Variants in ETV7 observed in about 807,000 individuals in gnomAD.
The protein encoded by ETV7 is ETS variant transcription factor 7, also known as transcription factor ETV7.
Under a neutral mutation model 39.1 loss-of-function variants are expected in ETV7, and 43 were observed. The observed-to-expected ratio is 1.10, with a 90% CI of 0.86 to 1.42. The LOEUF is 1.42. Ranked by LOEUF, ETV7 falls within the 40% of genes most tolerant of loss-of-function variation. The probability of loss-of-function intolerance (pLI) is 0.00; values close to 1 mark genes in which losing one functional copy is unlikely to be tolerated. For missense variants in ETV7, 432 were observed against 442.3 expected, an observed-to-expected ratio of 0.98 and a Z score of 0.21; for synonymous variants, 196 against 176.6, an observed-to-expected ratio of 1.11 and a Z score of -0.87.
downstream of ETV7, among the ~76,000 whole-genome samples, chr6:36,364,672 G>A (rs1239795536): frequency 6.6e-6 from 1 of 152,228 alleles, no homozygotes; most frequent in Non-Finnish European, 1.5e-5. Context: ...CCCAGAAAGG[G>A]GCTCCCACAG....
At position 36,373,450 on chromosome 6, in the gene ETV7, C is replaced by T; in HGVS notation, c.433+3G>A. ...CTCCGAGCACCACAGAGAGCTTCCT[C>T]ACCTTCCGGGGGGACTGGAGAGTGC... On this transcript the variant is annotated splice_donor_region_variant and intron_variant, in intron 4 of 7. Transcript: ENST00000340181. 6.5e-7 allele frequency: 1 copy of T among 1,550,384 alleles called. No homozygotes were observed. Among genetic ancestry groups the T allele is most frequent in the Non-Finnish European group, 8.7e-7 (1 of 1,153,020 alleles).
downstream of ETV7, among the ~76,000 whole-genome samples, chr6:36,365,949 A>C (rs1279039960): frequency 6.6e-6 from 1 of 152,210 alleles, no homozygotes; most frequent in South Asian, 2.1e-4. Flanking sequence ...AGGCAAGAGG[A>C]TCACCTGAGG....
intron 3 of ETV7, among the ~76,000 whole-genome samples, chr6:36,375,145 A>G (rs1314172248): frequency 6.6e-6 from 1 of 152,174 alleles, no homozygotes; most frequent in Non-Finnish European, 1.5e-5. Context: ...GCAAATCAGC[A>G]GATTTCAGAA....
downstream of ETV7, among the ~76,000 whole-genome samples, chr6:36,365,514 C>G (rs910387400): frequency 6.6e-6 from 1 of 152,154 alleles, no homozygotes; most frequent in Non-Finnish European, 1.5e-5. Flanking sequence ...AACACCTTGC[C>G]CAAAGTCCCA....
downstream of ETV7, among the ~76,000 whole-genome samples, chr6:36,363,479 T>G (rs891020561): frequency 6.6e-6 from 1 of 151,912 alleles, no homozygotes; most frequent in Non-Finnish European, 1.5e-5. Context: ...CATTCATTCC[T>G]CCCGGTGGGG....
intron 3 of ETV7, among the ~76,000 whole-genome samples, chr6:36,375,008 G>T (rs1303866288): frequency 1.3e-5 from 2 of 150,426 alleles, no homozygotes; most frequent in Non-Finnish European, 2.9e-5. Flanking sequence ...GGCAGAGGTT[G>T]CAGTGAGCCA....
intron 2 of ETV7, among the ~76,000 whole-genome samples, chr6:36,380,396 C>T (rs568766389): frequency 1.3e-5 from 2 of 152,374 alleles, no homozygotes; most frequent in South Asian, 2.1e-4. Flanking sequence ...CTCACTCTCC[C>T]GGCCCAGTGG....
chr6:36,382,866 G>T (rs528024031), intron 2 of ETV7, among the ~76,000 whole-genome samples: 1 of 152,254 alleles, frequency 6.6e-6, no homozygotes, highest in South Asian at 2.1e-4. Context: ...CTTTTCTCTG[G>T]GGAATAAGCT....
downstream of ETV7, among the ~76,000 whole-genome samples, chr6:36,362,192 G>A (rs1172975867): frequency 8.5e-5 from 13 of 152,118 alleles, no homozygotes; most frequent in East Asian, 5.8e-4. Flanking sequence ...CAGCTACTTG[G>A]GGAGGGGGCT....
chr6:36,386,111 T>A (rs553200355), intron 1 of ETV7, among the ~76,000 whole-genome samples: 196 of 152,240 alleles, frequency 1.3e-3, no homozygotes, highest in African/African-American at 4.5e-3. Context: ...GTGGATTACT[T>A]GAGGTCAGGA....
chr6:36,374,106 C>T (rs1489535095), intron 3 of ETV7, among the ~76,000 whole-genome samples: 2 of 152,070 alleles, frequency 1.3e-5, no homozygotes, highest in East Asian at 1.9e-4. Flanking sequence ...ACCTGTAATC[C>T]CAACACTTTA....
At chr6:36,379,103 C>T (rs1331419874) in intron 2 of ETV7, among the ~76,000 whole-genome samples, 2 of 152,224 alleles carry the variant, frequency 1.3e-5, no homozygotes, top group East Asian at 1.9e-4. Context: ...GGGCAGATTC[C>T]TGAGGGGTCG....
chr6:36,377,550 T>C (rs773650874), intron 2 of ETV7, among the ~76,000 whole-genome samples: 54 of 152,166 alleles, frequency 3.5e-4, no homozygotes, highest in Non-Finnish European at 4.7e-4. Flanking sequence ...GGTAAGAAAG[T>C]TGAGGCAGAA....
chr6:36,355,425 T>G lies in ETV7; in HGVS notation c.909-738A>C, dbSNP rs147388265. 4.0e-3 allele frequency among the ~76,000 whole-genome samples: 602 copies of G among 151,814 alleles called. 3 individuals are homozygous for G. Among genetic ancestry groups the G allele is most frequent in the Non-Finnish European group, 7.1e-3 (482 of 67,948 alleles). On this transcript the variant is annotated intron_variant, in intron 7 of 7. Transcript: ENST00000339796. ...TTTTTTTTTTGAGACAGAGTCTCAC[T>G]CTGTCATCCAGGCTGGAGTGCAGTG...
At chr6:36,363,244 T>G (rs1004673815), downstream of ETV7, among the ~76,000 whole-genome samples, 1 of 152,200 alleles carries the variant, frequency 6.6e-6, no homozygotes, top group Non-Finnish European at 1.5e-5. Flanking sequence ...GTTTGTTCTT[T>G]CTGATGTTCC....
chr6:36,379,701 C>G (rs1420150906), intron 2 of ETV7, among the ~76,000 whole-genome samples: 7 of 151,854 alleles, frequency 4.6e-5, no homozygotes, highest in Middle Eastern at 3.4e-3. Flanking sequence ...CATGGTGAAA[C>G]CCCATCTCTA....
At chr6:36,382,892 G>C (rs1206543732) in intron 2 of ETV7, among the ~76,000 whole-genome samples, 2 of 152,198 alleles carry the variant, frequency 1.3e-5, no homozygotes, top group Non-Finnish European at 2.9e-5. Context: ...GAAAAGAAGA[G>C]ACGCAGGACC....
downstream of ETV7, among the ~76,000 whole-genome samples, chr6:36,362,363 T>C (rs113770204): frequency 0.02 from 3,019 of 151,972 alleles, 72 homozygotes; most frequent in African/African-American, 0.059. Context: ...CTCGGGAGGC[T>C]GAGGCAGGAG....
Position 36,387,556 on chromosome 6 carries a change from A to T in ETV7, c.-15T>A. ...CTTACCTGCATTACAGGTGGAGGTG[A>T]GGAAGCCACCGGCTTTCTGTCTTGA... On this transcript the variant is annotated 5_prime_UTR_variant, in exon 1 of 8. Coordinates refer to ENST00000340181, the MANE Select transcript of ETV7 (RefSeq NM_016135.4). 6.2e-7 allele frequency: 1 copy of T among 1,614,064 alleles called. No individual in the cohort carries two copies. The highest frequency in any genetic ancestry group is 8.5e-7 in the Non-Finnish European group (1 of 1,180,010).
Sources: allele counts gnomAD v4.1 joint callset (sites outside exome capture counted in the v4.1 genomes callset), GRCh38; gene constraint gnomAD v4.1.1; transcripts MANE v1.5; gene names NCBI Gene and HGNC (gene_info 2026-07-23, HGNC 2026-07-21).